The following C1orf21 variants were observed in gnomAD, a reference collection of about 807,000 sequenced individuals.
C1orf21 encodes the protein uncharacterized protein C1orf21.
C1orf21 carries 3 observed loss-of-function variants against 18.7 expected under a neutral mutation model. The observed-to-expected ratio is 0.16, with a 90% CI of 0.07 to 0.42. The LOEUF is 0.42. Ranked by LOEUF, C1orf21 falls within the 10% of genes least tolerant of loss-of-function variation. C1orf21 has a pLI of 0.99. For synonymous variants in C1orf21, 41 were observed against 46.4 expected (o/e 0.88, Z 0.47); for missense variants, 104 against 143.6 (o/e 0.72, Z 1.41).
intron 3 of C1orf21, among the ~76,000 whole-genome samples, chr1:184,573,521 A>G (rs1659143531): frequency 6.6e-6 from 1 of 152,252 alleles, no homozygotes; most frequent in Non-Finnish European, 1.5e-5. Flanking sequence ...TTCTGTTTAG[A>G]AATAACTCCA....
chr1:184,618,598 G>T (rs529954009), intron 5 of C1orf21, among the ~76,000 whole-genome samples: 94 of 151,758 alleles, frequency 6.2e-4, no homozygotes, highest in African/African-American at 2.2e-3. Flanking sequence ...GTTAAGTATT[G>T]GTACTTTTAG....
At chr1:184,427,748 C>T (rs1656664337) in intron 1 of C1orf21, among the ~76,000 whole-genome samples, 1 of 152,194 alleles carries the variant, frequency 6.6e-6, no homozygotes. Context: ...GCATTTACAT[C>T]TTACCTTTTC....
chr1:184,588,941 G>A (rs1659399014), intron 3 of C1orf21, among the ~76,000 whole-genome samples: 2 of 152,170 alleles, frequency 1.3e-5, no homozygotes, highest in South Asian at 2.1e-4. Flanking sequence ...AGTCCTGCTT[G>A]TCCATTGAGC....
At chr1:184,475,841 C>T (rs1279645445) in intron 1 of C1orf21, among the ~76,000 whole-genome samples, 4 of 150,378 alleles carry the variant, frequency 2.7e-5, no homozygotes, top group Admixed American at 6.7e-5. Flanking sequence ...CATTAAGTTA[C>T]ATCAAGTATG....
chr1:184,603,060 A>G (rs753849721), intron 5 of C1orf21, among the ~76,000 whole-genome samples: 34 of 152,306 alleles, frequency 2.2e-4, no homozygotes, highest in Middle Eastern at 3.4e-3. Flanking sequence ...CATATACACA[A>G]AACTTTTAAG....
At chr1:184,596,624 C>G (rs180680308) in intron 4 of C1orf21, among the ~76,000 whole-genome samples, 1 of 152,138 alleles carries the variant, frequency 6.6e-6, no homozygotes, top group Non-Finnish European at 1.5e-5. Flanking sequence ...AATCCAAGCA[C>G]TTTAGGAGGC....
At chr1:184,409,789 T>C (rs1447438764) in intron 1 of C1orf21, among the ~76,000 whole-genome samples, 1 of 152,236 alleles carries the variant, frequency 6.6e-6, no homozygotes, top group Non-Finnish European at 1.5e-5. Flanking sequence ...AGTATTTTAC[T>C]GTTCTAGACT....
At chr1:184,397,068 C>G (rs2378842) in intron 1 of C1orf21, among the ~76,000 whole-genome samples, 11,252 of 152,016 alleles carry the variant, frequency 0.074, 1,214 homozygotes, top group African/African-American at 0.23. Context: ...CTAGGGAACC[C>G]CCGTGTTTCA....
At chr1:184,582,514 T>A (rs1265473285) in intron 3 of C1orf21, among the ~76,000 whole-genome samples, 1 of 152,198 alleles carries the variant, frequency 6.6e-6, no homozygotes, top group Non-Finnish European at 1.5e-5. Flanking sequence ...GAGCCGATAC[T>A]CTAATCCCCA....
At chr1:184,483,639 A>G (rs553754984) in intron 2 of C1orf21, among the ~76,000 whole-genome samples, 2 of 152,174 alleles carry the variant, frequency 1.3e-5, no homozygotes, top group Non-Finnish European at 2.9e-5. Flanking sequence ...AGGCTGTGAC[A>G]GCCCATCACC....
chr1:184,400,922 C>G (rs1263834544), intron 1 of C1orf21, among the ~76,000 whole-genome samples: 5 of 152,118 alleles, frequency 3.3e-5, no homozygotes, highest in Admixed American at 1.3e-4. Context: ...ACCAAATTCC[C>G]TTCTGTGGGT....
intron 3 of C1orf21, among the ~76,000 whole-genome samples, chr1:184,528,889 C>T (rs1658417115): frequency 6.6e-6 from 1 of 152,102 alleles, no homozygotes; most frequent in Admixed American, 6.5e-5. Flanking sequence ...CCAAATACAG[C>T]CATTCTCTTC....
At chr1:184,546,070 C>T (rs1197330613) in intron 3 of C1orf21, 1 of 152,186 alleles carries the variant, frequency 6.6e-6, no homozygotes, top group Admixed American at 6.5e-5. Flanking sequence ...CTCCATCTTG[C>T]CCTAAGTCTG....
intron 5 of C1orf21, among the ~76,000 whole-genome samples, chr1:184,602,424 T>G (rs2102004183): frequency 6.6e-6 from 1 of 152,338 alleles, no homozygotes; most frequent in South Asian, 2.1e-4. Context: ...GGGAGCCACC[T>G]AATTTCTGTT....
At position 184,499,885 on chromosome 1, in the gene C1orf21, G is replaced by C. The variant is rs139740233; in HGVS notation, c.95-7703G>C. Among the ~76,000 whole-genome samples the C allele has an allele frequency of 3.9e-5, 6 of 152,294 alleles. No homozygotes were observed. In the East Asian group the frequency reaches 1.2e-3, roughly 29 times the overall value. Reference sequence around the variant, plus strand: ...TGACTAGGACAGCCTTTTATCCTGAGTGGTTACCAAGGATAACAGGAATCC... The same window carrying C: ...TGACTAGGACAGCCTTTTATCCTGACTGGTTACCAAGGATAACAGGAATCC... On this transcript the variant is annotated intron_variant, in intron 2 of 5. Coordinates refer to ENST00000235307, the MANE Select transcript of C1orf21 (RefSeq NM_030806.4).
At chr1:184,438,968 T>C (rs1397270932) in intron 1 of C1orf21, among the ~76,000 whole-genome samples, 1 of 152,252 alleles carries the variant, frequency 6.6e-6, no homozygotes, top group East Asian at 1.9e-4. Context: ...CCCAGCACTT[T>C]AGGAGGCCAA....
At chr1:184,521,329 T>A (rs545780699) in intron 3 of C1orf21, among the ~76,000 whole-genome samples, 1 of 152,290 alleles carries the variant, frequency 6.6e-6, no homozygotes, top group South Asian at 2.1e-4. Flanking sequence ...AACCTTTATG[T>A]GAATGTTGGT....
rs754287780 is a variant in C1orf21 at position 184,623,829 on chromosome 1, T to A, written c.*4273T>A. 6.6e-6 allele frequency: 1 copy of A among 152,644 alleles called. No individual in the cohort carries two copies. The highest frequency in any genetic ancestry group is 1.5e-5 in the Non-Finnish European group (1 of 68,042). The allele number at this position is 152,644 out of a possible 1,614,324, so 9.5% of individuals were successfully genotyped here. A position where few individuals can be genotyped will look rare whatever the true frequency, so the allele number is the denominator to read the frequency against. ...AAAAAACTATGGTAAAGATGAGGCT[T>A]ATGAGTGAATACCTCTGGGACAAAC... On this transcript the variant is annotated 3_prime_UTR_variant, in exon 6 of 6. Coordinates refer to ENST00000235307, the MANE Select transcript of C1orf21 (RefSeq NM_030806.4).
At chr1:184,437,572 G>C (rs563834446) in intron 1 of C1orf21, among the ~76,000 whole-genome samples, 1 of 152,034 alleles carries the variant, frequency 6.6e-6, no homozygotes, top group Non-Finnish European at 1.5e-5. Context: ...TGTGCTTGCT[G>C]GGTGGGGTCC....
Sources: allele counts gnomAD v4.1 joint callset (sites outside exome capture counted in the v4.1 genomes callset), GRCh38; gene constraint gnomAD v4.1.1; transcripts MANE v1.5; gene names NCBI Gene and HGNC (gene_info 2026-07-23, HGNC 2026-07-21).